ALK: variants seen among roughly 807,000 people sequenced by gnomAD.
ALK encodes the protein ALK tyrosine kinase receptor.
ALK carries 74 observed loss-of-function variants against 163.1 expected under a neutral mutation model. That is an observed-to-expected ratio of 0.45 (90% confidence interval 0.38 to 0.55). The LOEUF (loss-of-function observed/expected upper bound fraction) is 0.55, where lower values mean the gene tolerates loss of function less well. Ranked by LOEUF, ALK falls within the 20% of genes least tolerant of loss-of-function variation. The probability of loss-of-function intolerance (pLI) is 0.00; values close to 1 mark genes in which losing one functional copy is unlikely to be tolerated. For synonymous variants in ALK, 960 were observed against 843.2 expected (o/e 1.14, Z -2.40); for missense variants, 2,063 against 2,105.3 (o/e 0.98, Z 0.39).
intron 1 of ALK, among the ~76,000 whole-genome samples, chr2:29,909,862 T>C (rs527269607): frequency 9.9e-5 from 15 of 152,134 alleles, no homozygotes; most frequent in African/African-American, 3.4e-4. Context: ...ACAATAATCC[T>C]TGAAAGTATA....
At chr2:29,651,619 T>C (rs969372675) in intron 3 of ALK, among the ~76,000 whole-genome samples, 5 of 152,184 alleles carry the variant, frequency 3.3e-5, no homozygotes, top group African/African-American at 1.2e-4. Context: ...GGCTTCTGTG[T>C]GCTGTTTTGC....
intron 3 of ALK, among the ~76,000 whole-genome samples, chr2:29,612,937 A>G (rs2339558): frequency 0.62 from 94,847 of 151,990 alleles, 30,977 homozygotes; most frequent in East Asian, 0.74. Flanking sequence ...TTGGGAAGAA[A>G]GGAATCAAAA....
intron 1 of ALK, among the ~76,000 whole-genome samples, chr2:29,804,178 C>T (rs1664553283): frequency 6.6e-6 from 1 of 152,228 alleles, no homozygotes; most frequent in Admixed American, 6.5e-5. Context: ...ACAGTAATCT[C>T]ATCTTCTAAG....
chr2:29,376,169 C>T (rs1668749086), intron 5 of ALK, among the ~76,000 whole-genome samples: 1 of 152,006 alleles, frequency 6.6e-6, no homozygotes, highest in Non-Finnish European at 1.5e-5. Flanking sequence ...TAAGCCTGCT[C>T]ACTGTAAAAC....
chr2:29,572,174 C>A (rs13025924), intron 3 of ALK, among the ~76,000 whole-genome samples: 142,193 of 152,266 alleles, frequency 0.93, 66,803 homozygotes, highest in Non-Finnish European at 0.98. Flanking sequence ...ACTTGAGGGT[C>A]TCTCTGCTGA....
chr2:29,651,291 G>T (rs1171592831), intron 3 of ALK, among the ~76,000 whole-genome samples: 1 of 152,102 alleles, frequency 6.6e-6, no homozygotes, highest in Non-Finnish European at 1.5e-5. Flanking sequence ...AAGGAGTAGT[G>T]ATACAAATGT....
intron 1 of ALK, among the ~76,000 whole-genome samples, chr2:29,769,539 T>A (rs984461627): frequency 1.7e-4 from 26 of 152,142 alleles, no homozygotes; most frequent in African/African-American, 5.6e-4. Context: ...CCTCAGCACC[T>A]AGCCCCAGGC....
At chr2:29,469,955 T>C (rs144047403) in intron 4 of ALK, among the ~76,000 whole-genome samples, 444 of 152,258 alleles carry the variant, frequency 2.9e-3, no homozygotes, top group Non-Finnish European at 4.8e-3. Flanking sequence ...AAGTCTGATA[T>C]TGGAGTTATC....
chr2:29,248,760 A>G (rs1459459119), intron 12 of ALK, among the ~76,000 whole-genome samples: 3 of 152,246 alleles, frequency 2.0e-5, no homozygotes, highest in Non-Finnish European at 4.4e-5. Flanking sequence ...CTCGACTTAG[A>G]TATGGCTGTG....
intron 1 of ALK, among the ~76,000 whole-genome samples, chr2:29,750,132 G>A (rs1245463471): frequency 1.3e-5 from 2 of 152,218 alleles, no homozygotes; most frequent in African/African-American, 4.8e-5. Flanking sequence ...GTAATGCATT[G>A]CTTAACGATG....
At chr2:29,700,385 A>G (rs1457508558) in intron 2 of ALK, among the ~76,000 whole-genome samples, 2 of 152,190 alleles carry the variant, frequency 1.3e-5, no homozygotes, top group Non-Finnish European at 2.9e-5. Flanking sequence ...TCTCTACTAA[A>G]AATACAAAAT....
chr2:29,669,337 T>C (rs1371164444), intron 3 of ALK, among the ~76,000 whole-genome samples: 1 of 152,072 alleles, frequency 6.6e-6, no homozygotes, highest in Admixed American at 6.6e-5. Flanking sequence ...TTGACCCCTT[T>C]ACTTTATATA....
At chr2:29,785,970 T>G (rs1664006173) in intron 1 of ALK, among the ~76,000 whole-genome samples, 1 of 151,352 alleles carries the variant, frequency 6.6e-6, no homozygotes, top group Non-Finnish European at 1.5e-5. Flanking sequence ...TTACCCTCTC[T>G]GCAAGGTTGG....
intron 3 of ALK, among the ~76,000 whole-genome samples, chr2:29,693,868 G>A (rs1354631358): frequency 6.6e-6 from 1 of 152,020 alleles, no homozygotes; most frequent in African/African-American, 2.4e-5. Flanking sequence ...GTGATCTTGG[G>A]GCAGTCACTC....
intron 3 of ALK, among the ~76,000 whole-genome samples, chr2:29,535,911 G>A (rs1051383376): frequency 6.6e-6 from 1 of 152,052 alleles, no homozygotes; most frequent in African/African-American, 2.4e-5. Context: ...TAATCGATTG[G>A]CCAAATACTC....
chr2:29,259,838 C>T (rs1028565744), intron 11 of ALK, among the ~76,000 whole-genome samples: 3 of 152,108 alleles, frequency 2.0e-5, no homozygotes, highest in African/African-American at 7.2e-5. Flanking sequence ...TCTAGTTATT[C>T]GGTTTTCTTC....
chr2:29,280,046 T>A (rs1201919406), intron 9 of ALK, among the ~76,000 whole-genome samples: 2 of 151,816 alleles, frequency 1.3e-5, no homozygotes, highest in South Asian at 4.2e-4. Flanking sequence ...TGACACTTAG[T>A]TGGGACCTGA....
At chr2:29,344,311 C>T (rs761584020) in intron 5 of ALK, among the ~76,000 whole-genome samples, 14 of 152,124 alleles carry the variant, frequency 9.2e-5, no homozygotes, top group East Asian at 3.8e-4. Context: ...TCTCATGAGT[C>T]GGGCAGGCTC....
At chr2:29,781,464 A>G (rs539387562) in intron 1 of ALK, among the ~76,000 whole-genome samples, 1 of 152,302 alleles carries the variant, frequency 6.6e-6, no homozygotes, top group East Asian at 1.9e-4. Context: ...CACCTCCAGG[A>G]AGGAGAGAGA....
Sources: allele counts gnomAD v4.1 joint callset (sites outside exome capture counted in the v4.1 genomes callset), GRCh38; gene constraint gnomAD v4.1.1; transcripts MANE v1.5; gene names NCBI Gene and HGNC (gene_info 2026-07-23, HGNC 2026-07-21).